PCDHGA8: variants seen among roughly 807,000 people sequenced by gnomAD.
PCDHGA8 encodes protocadherin gamma subfamily A, 8.
PCDHGA8 carries 45 observed loss-of-function variants against 59.2 expected under a neutral mutation model. That is an observed-to-expected ratio of 0.76 (90% CI 0.60 to 0.98). The LOEUF (loss-of-function observed/expected upper bound fraction) is 0.98. Ranked by LOEUF, PCDHGA8 falls within the 50% of genes least tolerant of loss-of-function variation. PCDHGA8 has a pLI of 0.00. For missense variants in PCDHGA8, 1,257 were observed against 1,196.2 expected (o/e 1.05, Z -0.75); for synonymous variants, 531 against 519.0 (o/e 1.02, Z -0.32).
chr5:141,420,525 C>T (rs895355117), intron 1 of PCDHGA8: 2 of 358,086 alleles, frequency 5.6e-6, no homozygotes, highest in South Asian at 2.1e-4. Flanking sequence ...AAATACCTTT[C>T]GGTTAAAAAT....
intron 1 of PCDHGA8, chr5:141,403,871 C>T: frequency 1.2e-6 from 2 of 1,613,602 alleles, no homozygotes; most frequent in Admixed American, 1.7e-5. Flanking sequence ...AGCAAAAAGT[C>T]TAGATTATGA....
At chr5:141,466,983 C>A (rs2099133398) in intron 1 of PCDHGA8, among the ~76,000 whole-genome samples, 1 of 151,884 alleles carries the variant, frequency 6.6e-6, no homozygotes, top group African/African-American at 2.4e-5. Context: ...TCATCATTTA[C>A]CTTTTGGCAT....
At position 141,480,148 on chromosome 5, in the gene PCDHGA8, G is replaced by C. The variant is rs139861128; in HGVS notation, c.2425-14659G>C. On this transcript the variant is annotated intron_variant, in intron 1 of 3. Transcript: ENST00000398604. ...ATAACTGTTAAACAATTATTAGCCA[G>C]CTCCTAGCATTTTGGGAGGCTGAGG... 9.2e-4 allele frequency among the ~76,000 whole-genome samples: 140 copies of C among 152,036 alleles called. 1 individual carries two copies. The highest frequency in any genetic ancestry group is 3.1e-3 in the African/African-American group (127 of 41,470).
At position 141,422,169 on chromosome 5, in the gene PCDHGA8, A is replaced by G. The variant is rs1386896405; in HGVS notation, c.2424+26932A>G. 2.6e-6 allele frequency: 4 copies of G among 1,563,898 alleles called. No homozygotes were observed. In the South Asian group the frequency reaches 4.9e-5, roughly 19 times the overall value. On this transcript the variant is annotated intron_variant, in intron 1 of 3. Coordinates refer to ENST00000398604, the MANE Select transcript of PCDHGA8 (RefSeq NM_032088.2). ...GGTCTCTGGATTTTGAAAAATATAG[A>G]TTCTATGAGATGGAAATTCAAGGCC...
At chr5:141,426,925 A>G in intron 1 of PCDHGA8, 1 of 456,756 alleles carries the variant, frequency 2.2e-6, no homozygotes, top group Non-Finnish European at 4.4e-6. Flanking sequence ...GAAGCAATGG[A>G]CATGGGTGAC....
chr5:141,431,393 C>T lies in PCDHGA8; in HGVS notation c.2424+36156C>T, dbSNP rs1485575362. 5 of 1,613,884 alleles carry T rather than the reference C, an allele frequency of 3.1e-6. No individual in the cohort carries two copies. Among genetic ancestry groups the T allele is most frequent in the Non-Finnish European group, 4.2e-6 (5 of 1,180,048 alleles). On this transcript the variant is annotated intron_variant, in intron 1 of 3. Coordinates refer to ENST00000398604, the MANE Select transcript of PCDHGA8 (RefSeq NM_032088.2). The surrounding 1 kb of genome is among the most constrained non-coding windows in gnomAD (Gnocchi z 4.8). ...AGAAAAGGCTGCTCACCACCTGGTC[C>T]TTACGGCCTCCGACGGGGGCGACCC...
chr5:141,460,822 C>A (rs2098998601), intron 1 of PCDHGA8, among the ~76,000 whole-genome samples: 2 of 151,502 alleles, frequency 1.3e-5, no homozygotes, highest in South Asian at 4.1e-4. Context: ...TACATATATA[C>A]ACACTTAAAG....
rs370704205 is a variant in PCDHGA8, at chr5:141,422,166, T to C, written c.2424+26929T>C. 4.5e-6 allele frequency: 7 copies of C among 1,569,374 alleles called. No individual in the cohort carries two copies. In the South Asian group the frequency reaches 8.5e-5, roughly 19 times the overall value. ...GGGGGTCTCTGGATTTTGAAAAATA[T>C]AGATTCTATGAGATGGAAATTCAAG... On this transcript the variant is annotated intron_variant, in intron 1 of 3. Coordinates refer to ENST00000398604, the MANE Select transcript of PCDHGA8 (RefSeq NM_032088.2).
At chr5:141,499,247 A>C (rs908111927) in intron 2 of PCDHGA8, among the ~76,000 whole-genome samples, 1 of 152,036 alleles carries the variant, frequency 6.6e-6, no homozygotes, top group Non-Finnish European at 1.5e-5. Flanking sequence ...CTCTGCACAA[A>C]GAGTCTCCAT....
chr5:141,428,177 G>A lies in PCDHGA8; in HGVS notation c.2424+32940G>A, dbSNP rs754811645. The A allele has an allele frequency of 1.4e-5, 21 of 1,510,058 alleles. 1 individual carries two copies. The South Asian group carries it at 1.7e-4, about 12-fold the overall frequency. The allele number at this position is 1,510,058 out of a possible 1,614,324, so 93.5% of individuals were successfully genotyped here. ...CCTGCTGGTTGCTGTGCGTGACGGA[G>A]GACAGCCGCCGCTCTCTGCGCCGCT... On this transcript the variant is annotated intron_variant, in intron 1 of 3. Coordinates refer to ENST00000398604, the MANE Select transcript of PCDHGA8 (RefSeq NM_032088.2).
rs558730748 is a variant in PCDHGA8, at chr5:141,469,995, G to A, written c.2425-24812G>A. Reference sequence around the variant, plus strand: ...AAAATACAAAAATTAGCTGGTCGTCGTGGCACGCCTGTAATCCCAGCTACT... The same window carrying A: ...AAAATACAAAAATTAGCTGGTCGTCATGGCACGCCTGTAATCCCAGCTACT... On this transcript the variant is annotated intron_variant, in intron 1 of 3. Coordinates refer to ENST00000398604, the MANE Select transcript of PCDHGA8 (RefSeq NM_032088.2). Among the ~76,000 whole-genome samples, 8 of 152,194 alleles carry A rather than the reference G, an allele frequency of 5.3e-5. No homozygotes were observed. In the East Asian group the frequency reaches 5.8e-4, roughly 11 times the overall value.
intron 3 of PCDHGA8, 124 bp from the exon 4 acceptor site, chr5:141,510,823 C>A: frequency 6.4e-7 from 1 of 1,562,432 alleles, no homozygotes. Context: ...CCTATATTCC[C>A]AGTGCTCAGC....
chr5:141,394,390 G>C lies in PCDHGA8; in HGVS notation c.1577G>C (p.Arg526Pro), dbSNP rs758609540. ...CAATCTTTCGACTATGAGCAGATCCGAGACCTGCAGCTACTGGTAACAGCC... is the reference window on the plus strand; with the variant it reads ...CAATCTTTCGACTATGAGCAGATCCCAGACCTGCAGCTACTGGTAACAGCC... ...ALQSFDYEQIRDLQLLVTASD... is the reference protein window; with the variant it reads ...ALQSFDYEQIPDLQLLVTASD... The change falls in exon 1 of 4, where the codon CGA becomes CCA. Residue 526 changes from arginine (R) to proline (P), a missense_variant. Coordinates refer to ENST00000398604, the MANE Select transcript of PCDHGA8 (RefSeq NM_032088.2). The C allele has an allele frequency of 1.2e-6, 2 of 1,614,100 alleles. No homozygotes were observed. The highest frequency in any genetic ancestry group is 1.7e-6 in the Non-Finnish European group (2 of 1,180,048).
intron 1 of PCDHGA8, among the ~76,000 whole-genome samples, chr5:141,445,332 A>G (rs1364481039): frequency 1.4e-4 from 22 of 152,140 alleles, no homozygotes; most frequent in Admixed American, 1.4e-3. Context: ...CCATCCAGAA[A>G]CAGTAAACAT....
chr5:141,508,910 A>T (rs2099872999), intron 3 of PCDHGA8, among the ~76,000 whole-genome samples: 1 of 151,906 alleles, frequency 6.6e-6, no homozygotes, highest in Non-Finnish European at 1.5e-5. Context: ...GCGGTGGCGG[A>T]TCTGGCTTCC....
At chr5:141,495,652 T>C (rs1403816239) in intron 2 of PCDHGA8, among the ~76,000 whole-genome samples, 2 of 152,336 alleles carry the variant, frequency 1.3e-5, no homozygotes, top group Admixed American at 6.5e-5. Context: ...CTACTTGCAT[T>C]GATCTGTGCC....
At chr5:141,413,148 CTT>C (rs2095608671) in intron 1 of PCDHGA8, 2 of 1,570,414 alleles carry the variant, frequency 1.3e-6, no homozygotes, top group South Asian at 1.2e-5. Flanking sequence ...CCAGTGAGGA[CTT>C]TGCAGAATTC....
rs1384581843 is a variant in PCDHGA8 at position 141,394,072 on chromosome 5, T to C, written c.1259T>C (p.Ile420Thr). 4 of 1,613,840 alleles carry C rather than the reference T, an allele frequency of 2.5e-6. No homozygotes were observed. The highest frequency in any genetic ancestry group is 3.4e-6 in the Non-Finnish European group (4 of 1,179,828). The change falls in exon 1 of 4, where the codon ATC becomes ACC. Residue 420 changes from isoleucine (I) to threonine (T), a missense_variant. Coordinates refer to ENST00000398604, the MANE Select transcript of PCDHGA8 (RefSeq NM_032088.2). ...CGAGAAAATGTCTCTATCTACAATA[T>C]CACAGTGATGGCCTCAGATCTAGGA... ...LDRENVSIYN[I>T]TVMASDLGTP... is the part of the protein sequence containing the mutation.
chr5:141,415,055 C>A (rs767474996), intron 1 of PCDHGA8: 1 of 1,613,402 alleles, frequency 6.2e-7, no homozygotes, highest in Non-Finnish European at 8.5e-7. Context: ...GGGGAGCACA[C>A]GGGCGAGGTG....
Sources: gnomAD v4.1 joint callset for allele counts (sites outside exome capture counted in the v4.1 genomes callset) on GRCh38, gnomAD v4.1.1 for gene constraint, Gnocchi (gnomAD v3.1) non-coding constraint, MANE v1.5 for transcripts, NCBI Gene and HGNC (gene_info 2026-07-23, HGNC 2026-07-21) for gene names.